The following DIP2C variants were observed in gnomAD, a reference collection of about 807,000 sequenced individuals.
DIP2C encodes the protein DIP2 acetate--CoA ligase C (putative).
In DIP2C, 33 loss-of-function variants were observed where a neutral mutation model predicts 192.4. The observed-to-expected ratio is 0.17, with a 90% CI of 0.13 to 0.23. The LOEUF is 0.23. Among genes scored for constraint, DIP2C ranks in the 10% least tolerant of loss-of-function variants. DIP2C has a pLI of 1.00. For missense variants in DIP2C, 1,537 were observed against 2,110.1 expected (o/e 0.73, Z 5.32); for synonymous variants, 979 against 864.1 (o/e 1.13, Z -2.33).
chr10:331,086 G>A (rs568761174), intron 29 of DIP2C, among the ~76,000 whole-genome samples: 21 of 151,384 alleles, frequency 1.4e-4, no homozygotes, highest in African/African-American at 4.9e-4. Context: ...AAAGTGCTAG[G>A]ATTATAGGCA....
intron 3 of DIP2C, among the ~76,000 whole-genome samples, chr10:465,952 G>A (rs1030434556): frequency 6.6e-6 from 1 of 152,084 alleles, no homozygotes; most frequent in African/African-American, 2.4e-5. Context: ...TCGTGAAAAT[G>A]GCCATACTGC....
chr10:573,436 T>C (rs1344570411), intron 1 of DIP2C, among the ~76,000 whole-genome samples: 1 of 152,164 alleles, frequency 6.6e-6, no homozygotes, highest in African/African-American at 2.4e-5. Context: ...TCGGACAGGG[T>C]CGCCCTCTGT....
At chr10:527,777 G>A (rs1258238417) in intron 1 of DIP2C, among the ~76,000 whole-genome samples, 1 of 152,204 alleles carries the variant, frequency 6.6e-6, no homozygotes, top group Non-Finnish European at 1.5e-5. Flanking sequence ...CTGTACAACA[G>A]AAAATCCATA....
At chr10:320,588 T>C (rs1956962275) in intron 31 of DIP2C, among the ~76,000 whole-genome samples, 1 of 151,940 alleles carries the variant, frequency 6.6e-6, no homozygotes, top group Non-Finnish European at 1.5e-5. Flanking sequence ...TGATGTGAGA[T>C]GGCACTGGAC....
At position 362,420 on chromosome 10, in the gene DIP2C, G is replaced by A. The variant is rs906009372; in HGVS notation, c.2794+70C>T. ...TGCAAGCAGCCCTGGGTGAACTCCCGCACCTCCCAGTGCCGTGCAGCCCCA... is the reference window on the plus strand; with the variant it reads ...TGCAAGCAGCCCTGGGTGAACTCCCACACCTCCCAGTGCCGTGCAGCCCCA... On this transcript the variant is annotated intron_variant, in intron 22 of 36. Transcript: ENST00000280886. 55 of 1,528,020 alleles carry A rather than the reference G, an allele frequency of 3.6e-5. 2 individuals are homozygous for A. Among genetic ancestry groups the A allele is most frequent in the South Asian group, 2.7e-4 (22 of 80,030 alleles). The allele number at this position is 1,528,020 out of a possible 1,614,324, so 94.7% of individuals were successfully genotyped here.
intron 24 of DIP2C, 147 bp downstream of exon 24, chr10:356,279 A>G (rs755633049): frequency 6.7e-6 from 6 of 894,674 alleles, no homozygotes; most frequent in African/African-American, 6.6e-5. Context: ...CCCTAGGTAC[A>G]AAAGTCTCAG....
chr10:432,474 T>G (rs1295167598), intron 4 of DIP2C, among the ~76,000 whole-genome samples: 2 of 152,128 alleles, frequency 1.3e-5, no homozygotes, highest in Non-Finnish European at 2.9e-5. Flanking sequence ...GGCCATAGAG[T>G]TTTTCATAAT....
At chr10:580,388 A>C (rs1299458611) in intron 1 of DIP2C, among the ~76,000 whole-genome samples, 1 of 152,196 alleles carries the variant, frequency 6.6e-6, no homozygotes, top group Non-Finnish European at 1.5e-5. Flanking sequence ...ATATAAGTAC[A>C]CAAATGTGCA....
intron 6 of DIP2C, among the ~76,000 whole-genome samples, chr10:417,019 C>G (rs1965687372): frequency 6.6e-6 from 1 of 152,182 alleles, no homozygotes; most frequent in Non-Finnish European, 1.5e-5. Context: ...TGCTCTATAG[C>G]ACTTTAAGAA....
At chr10:417,728 G>C (rs12774991) in intron 6 of DIP2C, among the ~76,000 whole-genome samples, 3 of 109,806 alleles carry the variant, frequency 2.7e-5, no homozygotes, top group South Asian at 5.8e-4. Flanking sequence ...CTCCCTGTCT[G>C]CCTGCGCCTG....
intron 1 of DIP2C, among the ~76,000 whole-genome samples, chr10:677,022 CAT>C (rs899425316): frequency 6.6e-6 from 1 of 152,132 alleles, no homozygotes; most frequent in Non-Finnish European, 1.5e-5. Context: ...ACATGACAAA[CAT>C]GTATTGAAAT....
Position 651,522 on chromosome 10 carries a change from T to A in DIP2C, c.85+37972A>T. On this transcript the variant is annotated intron_variant, in intron 1 of 36. Coordinates refer to ENST00000280886, the MANE Select transcript of DIP2C (RefSeq NM_014974.3). This position sits in a 1 kb window ranked among gnomAD's most constrained non-coding sequence, Gnocchi z 4.1. ...AATCCGTATCCACGTGAAGGTATTATGCAAAAAAAGCTTAACTTTGTTTCA... is the reference window on the plus strand; with the variant it reads ...AATCCGTATCCACGTGAAGGTATTAAGCAAAAAAAGCTTAACTTTGTTTCA... 2.0e-6 allele frequency: 1 copy of A among 503,318 alleles called. No homozygotes were observed. The highest frequency in any genetic ancestry group is 3.1e-5 in the Admixed American group (1 of 32,540). 31.2% of individuals were successfully genotyped at this position (503,318 alleles called of 1,614,324 possible). A position where few individuals can be genotyped will look rare whatever the true frequency, so the allele number is the denominator to read the frequency against.
chr10:551,259 C>G (rs1377490773), intron 1 of DIP2C, among the ~76,000 whole-genome samples: 1 of 152,230 alleles, frequency 6.6e-6, no homozygotes, highest in Non-Finnish European at 1.5e-5. Flanking sequence ...ATGCCCCCTC[C>G]TCCCCACAGC....
chr10:580,661 G>A (rs932651879), intron 1 of DIP2C, among the ~76,000 whole-genome samples: 10 of 152,158 alleles, frequency 6.6e-5, no homozygotes, highest in Admixed American at 1.3e-4. Context: ...CATTTGTATA[G>A]TACACATATA....
Position 511,842 on chromosome 10 carries a change from G to C in DIP2C, c.86-25312C>G, listed in dbSNP as rs138739702. On this transcript the variant is annotated intron_variant, in intron 1 of 36. Transcript: ENST00000280886. ...ACTTCATTATTAGTTTTTCAAAACT[G>C]TAAGAACAAAGTGAGCCTGGCTTTA... 2.0e-3 allele frequency among the ~76,000 whole-genome samples: 311 copies of C among 152,340 alleles called. 1 individual carries two copies. Among genetic ancestry groups the C allele is most frequent in the Middle Eastern group, 0.014 (4 of 294 alleles).
intron 1 of DIP2C, among the ~76,000 whole-genome samples, chr10:679,061 C>T (rs1379051199): frequency 3.0e-4 from 6 of 19,934 alleles, no homozygotes; most frequent in Admixed American, 6.7e-4. Flanking sequence ...ACCCGTCCTC[C>T]CCGCGCCCAT....
At chr10:430,051 G>C (rs575615915) in intron 4 of DIP2C, among the ~76,000 whole-genome samples, 2 of 152,202 alleles carry the variant, frequency 1.3e-5, no homozygotes, top group Non-Finnish European at 2.9e-5. Flanking sequence ...ATAGGCTGTG[G>C]TGTTGCTAGC....
intron 13 of DIP2C, 73 bp downstream of exon 13, chr10:389,918 G>T: frequency 8.5e-7 from 1 of 1,175,646 alleles, no homozygotes; most frequent in Non-Finnish European, 1.2e-6. Context: ...CTCCTCGTGG[G>T]AGTGATGTGG....
chr10:321,457 T>G (rs1305120690), intron 31 of DIP2C, among the ~76,000 whole-genome samples: 1 of 152,180 alleles, frequency 6.6e-6, no homozygotes, highest in African/African-American at 2.4e-5. Flanking sequence ...TTGCTCCCTA[T>G]CTCCTGGAGA....
Sources: allele counts gnomAD v4.1 joint callset (sites outside exome capture counted in the v4.1 genomes callset), GRCh38; gene constraint gnomAD v4.1.1; non-coding constraint Gnocchi (gnomAD v3.1); transcripts MANE v1.5; gene names NCBI Gene and HGNC (gene_info 2026-07-23, HGNC 2026-07-21).